Variants in CIC observed in about 807,000 individuals in gnomAD.
The protein encoded by CIC is protein capicua homolog.
Under a neutral mutation model 115.7 loss-of-function variants are expected in CIC, and 18 were observed. That is an observed-to-expected ratio of 0.16 (90% CI 0.11 to 0.23). The LOEUF (loss-of-function observed/expected upper bound fraction) is 0.23, where lower values mean the gene tolerates loss of function less well. Ranked by LOEUF, CIC falls within the 10% of genes least tolerant of loss-of-function variation. The pLI is 1.00. For synonymous variants in CIC, 1,076 were observed against 923.0 expected, an observed-to-expected ratio of 1.17 and a Z score of -3.01; for missense variants, 2,000 against 2,159.3, an observed-to-expected ratio of 0.93 and a Z score of 1.46.
chr19:42,276,550 C>G (rs1378543438), intron 2 of CIC, among the ~76,000 whole-genome samples: 2 of 152,150 alleles, frequency 1.3e-5, no homozygotes, highest in African/African-American at 4.8e-5. Flanking sequence ...AGGCCAGTCC[C>G]GAGGGACAGG....
At position 42,290,322 on chromosome 19, in the gene CIC, G is replaced by A. The variant is rs142884630; in HGVS notation, c.4281G>A (p.Pro1427=). Residue 1427 remains proline, a synonymous_variant, in exon 11 of 21, where the codon CCG becomes CCA. Transcript: ENST00000681038. Reference sequence around the variant, plus strand: ...TGGACCCTGAGCCCCCAGGGCCCCCGGATCCTCCTGTAGCCTTTGGCAAAG... The same window carrying A: ...TGGACCCTGAGCCCCCAGGGCCCCCAGATCCTCCTGTAGCCTTTGGCAAAG... ...PPLDPEPPGP[P]DPPVAFGKGY... is the part of the protein sequence containing the mutation. 3.3e-5 allele frequency: 54 copies of A among 1,613,876 alleles called. No homozygotes were observed. Among genetic ancestry groups the A allele is most frequent in the Admixed American group, 5.0e-5 (3 of 60,002 alleles).
intron 2 of CIC, among the ~76,000 whole-genome samples, chr19:42,283,243 A>G (rs1285871080): frequency 6.6e-6 from 1 of 151,936 alleles, no homozygotes; most frequent in Non-Finnish European, 1.5e-5. Flanking sequence ...GTAGTGGACA[A>G]GCAGGGCTAT....
chr19:42,290,335 G>T lies in CIC; in HGVS notation c.4294G>T (p.Ala1432Ser), dbSNP rs1020996357. ...CCCAGGGCCCCCGGATCCTCCTGTA[G>T]CCTTTGGCAAAGGCTATGGTTCCGC... is the stretch of plus-strand genomic sequence containing the variant. ...EPPGPPDPPV[A>S]FGKGYGSAPS... is the part of the protein sequence containing the mutation. The change falls in exon 11 of 21, where the codon GCC becomes TCC. Residue 1432 changes from alanine (A) to serine (S), a missense_variant. Around this residue, in one of 8 missense-constraint regions of CIC, gnomAD observed 1,466 missense variants for 1,390.4 expected, o/e 1.05. Transcript: ENST00000681038. 6.8e-6 allele frequency: 11 copies of T among 1,613,982 alleles called. No homozygotes were observed. Among genetic ancestry groups the T allele is most frequent in the African/African-American group, 1.3e-5 (1 of 74,880 alleles).
In CIC at chr19:42,287,767, G is replaced by C. The variant is rs2037761902; in HGVS notation, c.3492+40G>C. The stretch of plus-strand genomic sequence containing the variant: ...TCTTGGCTCCTCCCAGCTTCTTCTG[G>C]TGGGGTGGGTGAGTGAAGGGTTGCC... On this transcript the variant is annotated intron_variant, in intron 6 of 20. Transcript: ENST00000681038. The surrounding 1 kb of genome is among the most constrained non-coding windows in gnomAD (Gnocchi z 8.7). 6.2e-7 allele frequency: 1 copy of C among 1,614,140 alleles called. No individual in the cohort carries two copies. The highest frequency in any genetic ancestry group is 8.5e-7 in the Non-Finnish European group (1 of 1,180,010).
intron 11 of CIC, 38 bp from the exon 12 acceptor site, chr19:42,291,520 C>T (rs1189292671): frequency 1.2e-6 from 2 of 1,613,146 alleles, no homozygotes; most frequent in South Asian, 2.2e-5. Context: ...TGTTTGGCTC[C>T]CTTGTAACCT....
At chr19:42,284,734 C>T in intron 2 of CIC, 1 of 1,556,666 alleles carries the variant, frequency 6.4e-7, no homozygotes, top group Non-Finnish European at 8.7e-7. Context: ...CCCTGATGCC[C>T]GCGTCCAGCG....
rs1305715194 is a variant in CIC at position 42,289,197 on chromosome 19, C to T, written c.3878C>T (p.Ala1293Val). ...ATCCTGCAGATGGTGTCTGGCCCTG[C>T]ATCGTACTCTGGCCCAAAGCCTTCT... is the stretch of plus-strand genomic sequence containing the variant. ...QELTQMVSGPASYSGPKPSTQ... is the reference protein window; with the variant it reads ...QELTQMVSGPVSYSGPKPSTQ... The change falls in exon 9 of 21, where the codon GCA (alanine) becomes GTA (valine). Residue 1293 changes from alanine (A) to valine (V), a missense_variant. Transcript: ENST00000681038. 7 of 1,613,166 alleles carry T rather than the reference C, an allele frequency of 4.3e-6. No homozygotes were observed. Among genetic ancestry groups the T allele is most frequent in the Non-Finnish European group, 5.9e-6 (7 of 1,180,040 alleles).
Position 42,272,034 on chromosome 19 carries a change from A to G in CIC, c.251A>G (p.Asp84Gly). The G allele has an allele frequency of 2.5e-6, 1 of 398,486 alleles. No homozygotes were observed. The highest frequency in any genetic ancestry group is 4.4e-6 in the Non-Finnish European group (1 of 226,116). 24.7% of individuals were successfully genotyped at this position (398,486 alleles called of 1,614,324 possible). Residue 84 changes from aspartate (D) to glycine (G), a missense_variant, in exon 2 of 21, where the codon GAC becomes GGC. Coordinates refer to ENST00000681038, the MANE Select transcript of CIC (RefSeq NM_001386298.1). The part of the protein sequence containing the change: ...EGPPLELHPG[D>G]PAPGPAEDPK... The stretch of plus-strand genomic sequence containing the variant: ...CCTCCACTGGAGCTGCACCCTGGCG[A>G]CCCGGCTCCAGGCCCAGCAGAGGAC...
rs890528043 is a variant in CIC at position 42,290,709 on chromosome 19, G to A, written c.4668G>A (p.Val1556=). ...AGCAAGAGGGCGGCGGAGCCAGAGTGCCCTCCGCCCCCGCCCCATCACTGG... is the reference window on the plus strand; with the variant it reads ...AGCAAGAGGGCGGCGGAGCCAGAGTACCCTCCGCCCCCGCCCCATCACTGG... The part of the protein sequence containing the change: ...KEEQEGGGAR[V]PSAPAPSLAY... Residue 1556 remains valine (V), a synonymous_variant, in exon 11 of 21, where the codon GTG becomes GTA. Transcript: ENST00000681038. The A allele has an allele frequency of 6.2e-7, 1 of 1,612,578 alleles. No homozygotes were observed. The highest frequency in any genetic ancestry group is 8.5e-7 in the Non-Finnish European group (1 of 1,179,756).
chr19:42,292,460 C>T lies in CIC; in HGVS notation c.5896C>T (p.Leu1966Phe), dbSNP rs767212315. ...CGGCCCCGCCTTCGTGCAGCCCCTG[C>T]TCTCAGGTGAGGGGCGGCCTGGCAG... Reference protein sequence around the residue: ...PSGPAFVQPLLSAGQAPLLAP... With the variant: ...PSGPAFVQPLFSAGQAPLLAP... The change falls in exon 14 of 21, where the codon CTC (leucine) becomes TTC (phenylalanine). Residue 1966 changes from leucine (L) to phenylalanine (F), a missense_variant. By Grantham distance (22) the Leu-to-Phe change is conservative. Transcript: ENST00000681038. 4.3e-6 allele frequency: 7 copies of T among 1,611,256 alleles called. No homozygotes were observed. In the Admixed American group the frequency reaches 1.0e-4, roughly 23 times the overall value.
chr19:42,279,180 G>A (rs1235634401), intron 2 of CIC, among the ~76,000 whole-genome samples: 1 of 152,214 alleles, frequency 6.6e-6, no homozygotes, highest in African/African-American at 2.4e-5. Flanking sequence ...TTAAGCCTGG[G>A]TCTCCTGACT....
At position 42,293,769 on chromosome 19, in the gene CIC, G is replaced by T. The variant is rs2038324011; in HGVS notation, c.6700G>T (p.Ala2234Ser). 1 of 1,612,708 alleles carries T rather than the reference G, an allele frequency of 6.2e-7. No individual in the cohort carries two copies. Among genetic ancestry groups the T allele is most frequent in the African/African-American group, 1.3e-5 (1 of 74,956 alleles). Residue 2234 changes from alanine to serine, a missense_variant, in exon 17 of 21, where the codon GCT becomes TCT. Coordinates refer to ENST00000681038, the MANE Select transcript of CIC (RefSeq NM_001386298.1). ...GGACACCCCGGAGCGCAAGGAGGCG[G>T]CTGGTACTGGCAAGAAGGTGAAGGT... ...AGDTPERKEA[A>S]GTGKKVKVRP...
chr19:42,292,474 G>T lies in CIC; in HGVS notation c.5902+8G>T. 6.2e-7 allele frequency: 1 copy of T among 1,611,178 alleles called. No homozygotes were observed. The highest frequency in any genetic ancestry group is 1.3e-5 in the African/African-American group (1 of 74,980). On this transcript the variant is annotated splice_region_variant and intron_variant, in intron 14 of 20. Transcript: ENST00000681038. The stretch of plus-strand genomic sequence containing the variant: ...TGCAGCCCCTGCTCTCAGGTGAGGG[G>T]CGGCCTGGCAGGCAGTGCTGGGGAC...
chr19:42,274,494 C>T lies in CIC; in HGVS notation c.2711C>T (p.Ala904Val), dbSNP rs2036894906. ...QPVAFHPSPA[A>V]LLPVLVPSSY... ...GTGGCCTTCCACCCCTCACCTGCTG[C>T]CCTGTTGCCCGTTTTGGTGCCCAGC... Residue 904 changes from alanine to valine, a missense_variant, in exon 2 of 21, where the codon GCC (alanine) becomes GTC (valine). Physicochemically the swap from Ala to Val is moderately conservative, Grantham distance 64. Coordinates refer to ENST00000681038, the MANE Select transcript of CIC (RefSeq NM_001386298.1). 2.5e-6 allele frequency: 1 copy of T among 398,992 alleles called. No individual in the cohort carries two copies. Among genetic ancestry groups the T allele is most frequent in the Non-Finnish European group, 4.4e-6 (1 of 226,306 alleles). The allele number at this position is 398,992 out of a possible 1,614,324, so 24.7% of individuals were successfully genotyped here.
chr19:42,272,027 C>T lies in CIC; in HGVS notation c.244C>T (p.Pro82Ser), dbSNP rs1193766907. Reference sequence around the variant, plus strand: ...TGAAGGTCCTCCACTGGAGCTGCACCCTGGCGACCCGGCTCCAGGCCCAGC... The same window carrying T: ...TGAAGGTCCTCCACTGGAGCTGCACTCTGGCGACCCGGCTCCAGGCCCAGC... ...GAEGPPLELH[P>S]GDPAPGPAED... The change falls in exon 2 of 21, where the codon CCT becomes TCT. Residue 82 changes from proline to serine, a missense_variant. Pro to Ser is a moderately conservative substitution (Grantham distance 74). Transcript: ENST00000681038. 2 of 398,794 alleles carry T rather than the reference C, an allele frequency of 5.0e-6. No homozygotes were observed. Among genetic ancestry groups the T allele is most frequent in the Non-Finnish European group, 8.8e-6 (2 of 226,254 alleles). The allele number at this position is 398,794 out of a possible 1,614,324, so 24.7% of individuals were successfully genotyped here.
At chr19:42,283,509 G>A (rs903909459) in intron 2 of CIC, among the ~76,000 whole-genome samples, 1 of 152,112 alleles carries the variant, frequency 6.6e-6, no homozygotes, top group Non-Finnish European at 1.5e-5. Context: ...TGCCCGTGGG[G>A]TGTGTAGGAG....
Position 42,269,255 on chromosome 19 carries a change from AT to A in CIC, c.-133del, listed in dbSNP as rs2036669170. 7.0e-6 allele frequency: 1 copy of A among 142,158 alleles called. No individual in the cohort carries two copies. Among genetic ancestry groups the A allele is most frequent in the African/African-American group, 2.6e-5 (1 of 38,694 alleles). 8.8% of individuals were successfully genotyped at this position (142,158 alleles called of 1,614,324 possible). A position where few individuals can be genotyped will look rare whatever the true frequency, so the allele number is the denominator to read the frequency against. On this transcript the variant is annotated 5_prime_UTR_variant, in exon 1 of 21. Coordinates refer to ENST00000681038, the MANE Select transcript of CIC (RefSeq NM_001386298.1). ...TCCAGCTGTTGCAGGTCCATTCACC[AT>A]TTTGTGTGTTGGAGTAAAAAAAAAA... is the stretch of plus-strand genomic sequence containing the variant.
chr19:42,289,698 A>G, intron 9 of CIC, 150 bp from the exon 10 acceptor site: 1 of 760,276 alleles, frequency 1.3e-6, no homozygotes, highest in Non-Finnish European at 2.3e-6. Context: ...GGCACTGGGC[A>G]TGTGGGCACA....
rs767724604 is a variant in CIC at position 42,286,912 on chromosome 19, A to G, written c.2936A>G (p.Gln979Arg). The change falls in exon 3 of 21, where the codon CAG (glutamine) becomes CGG (arginine). Residue 979 changes from glutamine (Q) to arginine (R), a missense_variant. By Grantham distance (43) the Gln-to-Arg change is conservative (BLOSUM62 1). Coordinates refer to ENST00000681038, the MANE Select transcript of CIC (RefSeq NM_001386298.1). ...GCCAGCCACCCAGTGGCCTCCAACCAGAGCAAAGGTGAGGGCTGGTGGGGA... is the reference window on the plus strand; with the variant it reads ...GCCAGCCACCCAGTGGCCTCCAACCGGAGCAAAGGTGAGGGCTGGTGGGGA... ...QPASHPVASN[Q>R]SKEPAESAAV... 4 of 1,610,736 alleles carry G rather than the reference A, an allele frequency of 2.5e-6. No individual in the cohort carries two copies. Among genetic ancestry groups the G allele is most frequent in the Non-Finnish European group, 3.4e-6 (4 of 1,179,272 alleles).
Sources: gnomAD v4.1 joint callset for allele counts (sites outside exome capture counted in the v4.1 genomes callset) on GRCh38, gnomAD v4.1.1 for gene constraint, gnomAD v4.1.1 regional missense constraint, Gnocchi (gnomAD v3.1) non-coding constraint, MANE v1.5 for transcripts, NCBI Gene and HGNC (gene_info 2026-07-23, HGNC 2026-07-21) for gene names.